Variants in TENM2 observed in about 807,000 individuals in gnomAD.
The protein encoded by TENM2 is teneurin-2.
In TENM2, 52 loss-of-function variants were observed where a neutral mutation model predicts 245.2. The ratio of observed to expected loss-of-function variants is 0.21; its 90% CI spans 0.17 to 0.27. The LOEUF is 0.27. Among genes scored for constraint, TENM2 ranks in the 10% least tolerant of loss-of-function variants. The pLI is 1.00. For synonymous variants in TENM2, 1,363 were observed against 1,438.9 expected (o/e 0.95, Z 1.19); for missense variants, 3,046 against 3,666.8 (o/e 0.83, Z 4.37).
intron 2 of TENM2, among the ~76,000 whole-genome samples, chr5:167,502,730 G>C (rs1408797947): frequency 6.6e-6 from 1 of 152,142 alleles, no homozygotes; most frequent in Non-Finnish European, 1.5e-5. Flanking sequence ...CAGCCCCTTT[G>C]GGATCTACTG....
intron 2 of TENM2, among the ~76,000 whole-genome samples, chr5:167,527,268 G>A (rs1229695383): frequency 6.6e-6 from 1 of 152,028 alleles, no homozygotes; most frequent in Non-Finnish European, 1.5e-5. Context: ...CAAGGATTGT[G>A]TTTGCTAGAA....
chr5:167,258,489 C>A, the TENM2 span, among the ~76,000 whole-genome samples: 1 of 151,914 alleles, frequency 6.6e-6, no homozygotes, highest in Non-Finnish European at 1.5e-5. Context: ...CTGGTGCAGT[C>A]CCCTCTCTGT....
At chr5:168,168,338 G>A (rs1427041465) in intron 13 of TENM2, among the ~76,000 whole-genome samples, 2 of 152,184 alleles carry the variant, frequency 1.3e-5, no homozygotes, top group Non-Finnish European at 2.9e-5. Context: ...GAACACAGGA[G>A]TGCAGTGAGG....
chr5:167,598,551 T>A (rs1412916000), intron 2 of TENM2, among the ~76,000 whole-genome samples: 1 of 152,216 alleles, frequency 6.6e-6, no homozygotes, highest in African/African-American at 2.4e-5. Flanking sequence ...AAGAAGGGTA[T>A]TACTGTGCTT....
chr5:167,459,853 TC>T (rs1766170661), intron 2 of TENM2, among the ~76,000 whole-genome samples: 1 of 151,926 alleles, frequency 6.6e-6, no homozygotes. Context: ...AGTTTGCAAA[TC>T]TCTCATAAAC....
intron 2 of TENM2, among the ~76,000 whole-genome samples, chr5:167,711,338 G>C (rs938409663): frequency 1.3e-5 from 2 of 152,218 alleles, no homozygotes; most frequent in African/African-American, 4.8e-5. Flanking sequence ...GTCTGGGATA[G>C]TAAGTGCAGA....
intron 2 of TENM2, among the ~76,000 whole-genome samples, chr5:167,839,828 C>CT (rs1769328020): frequency 1.3e-5 from 2 of 152,140 alleles, no homozygotes; most frequent in South Asian, 2.1e-4. Context: ...GCTTTCCTCT[C>CT]TTTTTTGAGA....
chr5:168,027,119 G>A (rs545699865), intron 5 of TENM2, among the ~76,000 whole-genome samples: 13 of 149,100 alleles, frequency 8.7e-5, no homozygotes, highest in African/African-American at 1.2e-4. Flanking sequence ...ACACACACAC[G>A]TGCATGTGAA....
At chr5:168,158,846 T>TACACAC (rs1186454443) in intron 12 of TENM2, among the ~76,000 whole-genome samples, 1 of 85,716 alleles carries the variant, frequency 1.2e-5, no homozygotes, top group African/African-American at 4.2e-5. Context: ...TATATATATA[T>TACACAC]ATATACACAC....
chr5:168,209,008 A>G (rs1205114033), intron 19 of TENM2, among the ~76,000 whole-genome samples: 6 of 152,182 alleles, frequency 3.9e-5, no homozygotes, highest in Admixed American at 3.9e-4. Context: ...ATGTTTTTCT[A>G]TACTTTTTGG....
intron 3 of TENM2, among the ~76,000 whole-genome samples, chr5:167,905,702 A>C (rs572651433): frequency 1.4e-4 from 21 of 152,332 alleles, no homozygotes; most frequent in Non-Finnish European, 2.8e-4. Context: ...AGAAAATGAC[A>C]TTATCTGTAA....
At chr5:167,753,974 C>G (rs2150663340) in intron 2 of TENM2, among the ~76,000 whole-genome samples, 1 of 152,268 alleles carries the variant, frequency 6.6e-6, no homozygotes, top group South Asian at 2.1e-4. Context: ...TGTTTCCTTC[C>G]TCACAGTATA....
intron 1 of TENM2, among the ~76,000 whole-genome samples, chr5:167,354,622 G>A (rs1362625310): frequency 1.3e-5 from 2 of 152,204 alleles, no homozygotes; most frequent in African/African-American, 2.4e-5. Flanking sequence ...AGCATGGCTT[G>A]TGAGAGAGTA....
At chr5:168,056,472 C>T (rs539533600) in intron 6 of TENM2, among the ~76,000 whole-genome samples, 5 of 152,274 alleles carry the variant, frequency 3.3e-5, no homozygotes, top group African/African-American at 9.6e-5. Flanking sequence ...TCATGCATGG[C>T]AAAACAGTGT....
the TENM2 span, among the ~76,000 whole-genome samples, chr5:166,997,481 A>G: frequency 6.3e-4 from 96 of 152,304 alleles, no homozygotes; most frequent in Non-Finnish European, 3.8e-4. Context: ...CCTCTTAGCC[A>G]TTATGGTATA....
Position 167,719,996 on chromosome 5 carries a change from A to AG in TENM2, c.503-155982dup, listed in dbSNP as rs1168014301. Among the ~76,000 whole-genome samples the AG allele has an allele frequency of 4.6e-3, 696 of 149,864 alleles. 8 individuals carry two copies. Among genetic ancestry groups the AG allele is most frequent in the African/African-American group, 0.016 (639 of 40,724 alleles). Reference sequence around the variant, plus strand: ...AACACATTTTCTGTGGGTTAAAAAGAGGGGGGGGCTTGGGGAAGGGAGGTT... The same window carrying AG: ...AACACATTTTCTGTGGGTTAAAAAGAGGGGGGGGGCTTGGGGAAGGGAGGTT... On this transcript the variant is annotated intron_variant, in intron 2 of 28. Transcript: ENST00000518659.
intron 7 of TENM2, among the ~76,000 whole-genome samples, chr5:168,079,369 T>A (rs1226144861): frequency 1.3e-5 from 2 of 152,228 alleles, no homozygotes; most frequent in Non-Finnish European, 2.9e-5. Context: ...AATCATGTCA[T>A]CTGCAAACAG....
At chr5:167,320,895 C>G (rs557277145) in intron 1 of TENM2, among the ~76,000 whole-genome samples, 1 of 152,018 alleles carries the variant, frequency 6.6e-6, no homozygotes, top group Non-Finnish European at 1.5e-5. Flanking sequence ...TCTTTGTTTT[C>G]AAGTATCCTT....
At position 167,947,818 on chromosome 5, in the gene TENM2, A is replaced by T. The variant is rs188852074; in HGVS notation, c.713-4770A>T. ...TTTAAAGACCAACCATTGGCATGCC[A>T]TTCCCAGGAATGAGTGATTTATTAG... On this transcript the variant is annotated intron_variant, in intron 3 of 28. Transcript: ENST00000518659. Among the ~76,000 whole-genome samples the T allele has an allele frequency of 2.0e-5, 3 of 152,326 alleles. 1 individual carries two copies. Among genetic ancestry groups the T allele is most frequent in the Admixed American group, 2.0e-4 (3 of 15,306 alleles).
Sources: gnomAD v4.1 joint callset for allele counts (sites outside exome capture counted in the v4.1 genomes callset) on GRCh38, gnomAD v4.1.1 for gene constraint, MANE v1.5 for transcripts, NCBI Gene and HGNC (gene_info 2026-07-23, HGNC 2026-07-21) for gene names.